Variants in DNM2 observed in about 807,000 individuals in gnomAD.
The protein encoded by DNM2 is dynamin 2.
A neutral mutation model predicts 99.0 loss-of-function variants in DNM2; 15 were observed. The observed-to-expected ratio is 0.15, with a 90% CI of 0.10 to 0.23. DNM2 has a LOEUF of 0.23. Ranked by LOEUF, DNM2 falls within the 10% of genes least tolerant of loss-of-function variation. The pLI, the probability that DNM2 is intolerant of heterozygous loss-of-function variation, is 1.00. For synonymous variants in DNM2, 525 were observed against 481.2 expected (o/e 1.09, Z -1.19); for missense variants, 742 against 1,189.4 (o/e 0.62, Z 5.53).
At position 10,795,969 on chromosome 19, in the gene DNM2, G is replaced by C; in HGVS notation, c.1196+530G>C. On this transcript the variant is annotated intron_variant, in intron 9 of 20. Coordinates refer to ENST00000389253, the MANE Select transcript of DNM2 (RefSeq NM_001005361.3). The surrounding 1 kb of genome is among the most constrained non-coding windows in gnomAD (Gnocchi z 4.2). ...ACACATGACACAACCTTCATTCCTT[G>C]TTGGGGACCCGGCCAGGGCCAATGA... 1 of 1,598,596 alleles carries C rather than the reference G, an allele frequency of 6.3e-7. No homozygotes were observed. Among genetic ancestry groups the C allele is most frequent in the Non-Finnish European group, 8.5e-7 (1 of 1,174,570 alleles).
intron 15 of DNM2, among the ~76,000 whole-genome samples, chr19:10,815,125 T>G (rs1351536371): frequency 6.6e-6 from 1 of 152,198 alleles, no homozygotes; most frequent in Admixed American, 6.5e-5. Context: ...GTGAGCTTGG[T>G]GACCCTGTGC....
chr19:10,814,278 A>G (rs770949241), intron 15 of DNM2, among the ~76,000 whole-genome samples: 1 of 152,132 alleles, frequency 6.6e-6, no homozygotes, highest in Non-Finnish European at 1.5e-5. Flanking sequence ...CAGCCTGACC[A>G]ACATGGAGAA....
At chr19:10,779,574 CAT>C (rs1175161450) in intron 5 of DNM2, among the ~76,000 whole-genome samples, 1 of 133,036 alleles carries the variant, frequency 7.5e-6, no homozygotes, top group East Asian at 2.7e-4. Flanking sequence ...CTGGGACAAT[CAT>C]AGCTCACTGT....
At chr19:10,744,663 G>A (rs950076492) in intron 1 of DNM2, among the ~76,000 whole-genome samples, 10 of 152,168 alleles carry the variant, frequency 6.6e-5, no homozygotes, top group African/African-American at 2.4e-4. Context: ...TGTAAGGGCT[G>A]CAGACACAGT....
intron 7 of DNM2, among the ~76,000 whole-genome samples, chr19:10,787,194 C>A (rs551568272): frequency 1.1e-4 from 16 of 152,068 alleles, no homozygotes; most frequent in African/African-American, 3.9e-4. Flanking sequence ...TTAGGCTGGG[C>A]ATGGTGGCTC....
At chr19:10,728,255 C>T (rs1156375413) in intron 1 of DNM2, among the ~76,000 whole-genome samples, 1 of 152,206 alleles carries the variant, frequency 6.6e-6, no homozygotes, top group Non-Finnish European at 1.5e-5. Context: ...GTCTTCTCTG[C>T]CCAGGGGTGG....
rs752875857 is a variant in DNM2 at position 10,805,943 on chromosome 19, CAAG to C, written c.1526_1528del (p.Lys509del). The stretch of plus-strand genomic sequence containing the variant: ...CCCAGCAGAGGAGCACGCAGCTGAA[CAAG>C]AAGAGAGCCATCCCCAATCAGGTAG... On this transcript the variant is annotated inframe_deletion, in exon 13 of 21. Transcript: ENST00000389253. 3.7e-6 allele frequency: 6 copies of C among 1,614,162 alleles called. No individual in the cohort carries two copies. The highest frequency in any genetic ancestry group is 5.1e-6 in the Non-Finnish European group (6 of 1,180,038).
At chr19:10,740,921 T>C (rs2069721826) in intron 1 of DNM2, among the ~76,000 whole-genome samples, 1 of 152,218 alleles carries the variant, frequency 6.6e-6, no homozygotes. Context: ...CATTTCACTG[T>C]GGTTGGAGGA....
At chr19:10,746,888 C>T (rs1307949880) in intron 1 of DNM2, among the ~76,000 whole-genome samples, 3 of 151,594 alleles carry the variant, frequency 2.0e-5, no homozygotes, top group African/African-American at 7.3e-5. Flanking sequence ...AGGTGCCCAC[C>T]ACCACGCCTG....
intron 7 of DNM2, among the ~76,000 whole-genome samples, chr19:10,786,986 A>T (rs2071582088): frequency 6.6e-6 from 1 of 152,216 alleles, no homozygotes; most frequent in Admixed American, 6.5e-5. Flanking sequence ...TAAATGTCAA[A>T]ATATGAAAGT....
In DNM2 at chr19:10,817,936, T is replaced by A. The variant is rs2072821887; in HGVS notation, c.1672-2044T>A. 6.6e-6 allele frequency among the ~76,000 whole-genome samples: 1 copy of A among 152,126 alleles called. No individual in the cohort carries two copies. ...TAGCTGGAATGGCCTGTGACTCAGT[T>A]ACTTGGCCCTGCTGGCTGGAAGCTT... On this transcript the variant is annotated intron_variant, in intron 15 of 20. Coordinates refer to ENST00000389253, the MANE Select transcript of DNM2 (RefSeq NM_001005361.3). This position sits in a 1 kb window ranked among gnomAD's most constrained non-coding sequence, Gnocchi z 4.6.
chr19:10,829,065 G>A lies in DNM2; in HGVS notation c.2088G>A (p.Leu696=). 1 of 1,613,670 alleles carries A rather than the reference G, an allele frequency of 6.2e-7. No homozygotes were observed. The highest frequency in any genetic ancestry group is 8.5e-7 in the Non-Finnish European group (1 of 1,179,940). ...AGGCCTTCATCCACCACGAGCTGCT[G>A]GCCTACCTATACTCCTCGGCAGACC... ...NTKAFIHHEL[L]AYLYSSADQS... Residue 696 remains leucine (L), a synonymous_variant, in exon 19 of 21, where the codon CTG becomes CTA. Transcript: ENST00000389253.
intron 5 of DNM2, among the ~76,000 whole-genome samples, chr19:10,780,833 C>T (rs1232534805): frequency 6.6e-6 from 1 of 151,960 alleles, no homozygotes; most frequent in Admixed American, 6.6e-5. Flanking sequence ...GAGACCAAGG[C>T]GGGTGGATCA....
chr19:10,824,453 A>C (rs2073079044), intron 17 of DNM2: 1 of 204,108 alleles, frequency 4.9e-6, no homozygotes, highest in African/African-American at 2.3e-5. Context: ...GTGAGCTGAG[A>C]TCACGCCATT....
At chr19:10,780,009 G>C (rs866402578) in intron 5 of DNM2, among the ~76,000 whole-genome samples, 21 of 151,972 alleles carry the variant, frequency 1.4e-4, no homozygotes, top group Admixed American at 5.9e-4. Flanking sequence ...TCTAAGCTGC[G>C]GGCACCTCCT....
chr19:10,799,527 G>GTTT (rs1241230585), intron 11 of DNM2, among the ~76,000 whole-genome samples: 1 of 143,518 alleles, frequency 7.0e-6, no homozygotes, highest in African/African-American at 2.6e-5. Flanking sequence ...TTGTGTTGTG[G>GTTT]TTTTTTGTTT....
chr19:10,726,200 CA>C (rs1169535444), intron 1 of DNM2, among the ~76,000 whole-genome samples: 1 of 141,040 alleles, frequency 7.1e-6, no homozygotes, highest in Non-Finnish European at 1.6e-5. Flanking sequence ...GCCTGGGCGA[CA>C]GAGCGAGACT....
intron 3 of DNM2, among the ~76,000 whole-genome samples, chr19:10,773,659 G>A (rs1490279874): frequency 6.6e-6 from 1 of 151,448 alleles, no homozygotes; most frequent in African/African-American, 2.4e-5. Context: ...GTAGAGACGG[G>A]GTTTCACCAT....
In DNM2 at chr19:10,772,235, A is replaced by G. The variant is rs1439859748; in HGVS notation, c.236-244A>G. The stretch of plus-strand genomic sequence containing the variant: ...GCTGAGACTACAGGCATGTGCCACC[A>G]TGCCAGGCTAATTTTTTGTATTTTT... On this transcript the variant is annotated intron_variant, in intron 2 of 20. Coordinates refer to ENST00000389253, the MANE Select transcript of DNM2 (RefSeq NM_001005361.3). The surrounding 1 kb of genome is among the most constrained non-coding windows in gnomAD (Gnocchi z 4.9). Among the ~76,000 whole-genome samples, 1 of 151,904 alleles carries G rather than the reference A, an allele frequency of 6.6e-6. No individual in the cohort carries two copies. The highest frequency in any genetic ancestry group is 2.4e-5 in the African/African-American group (1 of 41,352).
Sources: allele counts gnomAD v4.1 joint callset (sites outside exome capture counted in the v4.1 genomes callset), GRCh38; gene constraint gnomAD v4.1.1; non-coding constraint Gnocchi (gnomAD v3.1); transcripts MANE v1.5; gene names NCBI Gene and HGNC (gene_info 2026-07-23, HGNC 2026-07-21).